The following CNTNAP5 variants were observed in gnomAD, a reference collection of about 807,000 sequenced individuals.
The protein encoded by CNTNAP5 is contactin associated protein family member 5.
CNTNAP5 carries 72 observed loss-of-function variants against 150.2 expected under a neutral mutation model. The observed-to-expected ratio is 0.48, with a 90% CI of 0.40 to 0.58. The LOEUF is 0.58. Ranked by LOEUF, CNTNAP5 falls within the 20% of genes least tolerant of loss-of-function variation. The probability of loss-of-function intolerance (pLI) is 0.00; values close to 1 mark genes in which losing one functional copy is unlikely to be tolerated. For synonymous variants in CNTNAP5, 672 were observed against 619.8 expected, an observed-to-expected ratio of 1.08 and a Z score of -1.25; for missense variants, 1,636 against 1,626.2, an observed-to-expected ratio of 1.01 and a Z score of -0.10.
chr2:124,871,881 C>T (rs1677756167), intron 21 of CNTNAP5, among the ~76,000 whole-genome samples: 1 of 151,982 alleles, frequency 6.6e-6, no homozygotes, highest in South Asian at 2.1e-4. Flanking sequence ...TCATATGTAT[C>T]TGTTCATCAG....
chr2:124,872,227 G>A (rs1677763679), intron 21 of CNTNAP5, among the ~76,000 whole-genome samples: 1 of 151,834 alleles, frequency 6.6e-6, no homozygotes, highest in African/African-American at 2.4e-5. Flanking sequence ...TCTTTTGTTT[G>A]TTTCCATCTT....
At chr2:124,709,154 C>A (rs1465583595) in intron 13 of CNTNAP5, among the ~76,000 whole-genome samples, 1 of 152,032 alleles carries the variant, frequency 6.6e-6, no homozygotes, top group African/African-American at 2.4e-5. Flanking sequence ...TCAGAACTCT[C>A]ATTCAAACTG....
intron 1 of CNTNAP5, among the ~76,000 whole-genome samples, chr2:124,152,552 T>C (rs77985198): frequency 0.085 from 12,920 of 152,210 alleles, 750 homozygotes; most frequent in Non-Finnish European, 0.13. Flanking sequence ...TTAAAATTGA[T>C]ATATTTTTCA....
At chr2:124,910,001 G>A (rs768731690) in intron 22 of CNTNAP5, among the ~76,000 whole-genome samples, 2 of 151,428 alleles carry the variant, frequency 1.3e-5, no homozygotes, top group Non-Finnish European at 2.9e-5. Context: ...TCCATGGCCA[G>A]CACCTTCTTT....
intron 3 of CNTNAP5, among the ~76,000 whole-genome samples, chr2:124,309,753 G>A (rs556476692): frequency 3.9e-5 from 6 of 152,264 alleles, no homozygotes; most frequent in Admixed American, 3.9e-4. Context: ...GTGTCCCAAG[G>A]CCCCTGCTGA....
chr2:124,598,195 G>T (rs1250157657), intron 11 of CNTNAP5, among the ~76,000 whole-genome samples: 2 of 138,782 alleles, frequency 1.4e-5, no homozygotes, highest in Non-Finnish European at 3.1e-5. Context: ...GAGGAACTGC[G>T]TTCCTTTGGA....
At chr2:124,233,115 G>A (rs1186337625) in intron 2 of CNTNAP5, among the ~76,000 whole-genome samples, 3 of 151,208 alleles carry the variant, frequency 2.0e-5, no homozygotes, top group African/African-American at 7.3e-5. Context: ...TTCTCAAAAA[G>A]GGCAGGCTCC....
intron 3 of CNTNAP5, among the ~76,000 whole-genome samples, chr2:124,398,897 AT>A (rs1050124456): frequency 1.5e-4 from 23 of 152,146 alleles, no homozygotes; most frequent in Admixed American, 1.3e-3. Context: ...CACGATGAAG[AT>A]GATGGTGATG....
intron 13 of CNTNAP5, among the ~76,000 whole-genome samples, chr2:124,675,996 G>T (rs1483698349): frequency 6.6e-6 from 1 of 152,020 alleles, no homozygotes; most frequent in African/African-American, 2.4e-5. Flanking sequence ...ACAGATACAG[G>T]TTTGTTTTCT....
chr2:124,450,989 C>T (rs1314475696), intron 6 of CNTNAP5, among the ~76,000 whole-genome samples: 8 of 134,366 alleles, frequency 6.0e-5, no homozygotes, highest in Non-Finnish European at 1.2e-4. Flanking sequence ...GATAGCACCA[C>T]TGCACTCCAG....
At chr2:124,632,716 AC>A (rs1677890211) in intron 12 of CNTNAP5, among the ~76,000 whole-genome samples, 2 of 149,474 alleles carry the variant, frequency 1.3e-5, no homozygotes, top group African/African-American at 4.9e-5. Context: ...GAAAAAAAAA[AC>A]AATAAAATGT....
chr2:124,342,703 T>C (rs561838264), intron 3 of CNTNAP5, among the ~76,000 whole-genome samples: 108 of 152,224 alleles, frequency 7.1e-4, no homozygotes, highest in African/African-American at 2.3e-3. Context: ...AAAAGGTAAA[T>C]GTTTCAATTC....
chr2:124,181,276 G>A (rs750165056), intron 1 of CNTNAP5, among the ~76,000 whole-genome samples: 1 of 152,020 alleles, frequency 6.6e-6, no homozygotes, highest in Non-Finnish European at 1.5e-5. Context: ...ATTAATTAAA[G>A]TATGTAAGAA....
chr2:124,859,311 C>A (rs1037822477), intron 19 of CNTNAP5, among the ~76,000 whole-genome samples: 1 of 152,122 alleles, frequency 6.6e-6, no homozygotes, highest in Non-Finnish European at 1.5e-5. Context: ...TGAAAAAATG[C>A]TCACCATCAC....
At chr2:124,361,203 C>T (rs1231387704) in intron 3 of CNTNAP5, among the ~76,000 whole-genome samples, 3 of 145,954 alleles carry the variant, frequency 2.1e-5, no homozygotes, top group Non-Finnish European at 4.5e-5. Context: ...TCTAGTTATA[C>T]ATTCTTCTAA....
At chr2:124,270,520 T>C (rs1687720696) in intron 3 of CNTNAP5, among the ~76,000 whole-genome samples, 1 of 152,134 alleles carries the variant, frequency 6.6e-6, no homozygotes, top group Admixed American at 6.5e-5. Flanking sequence ...TCCAACTTCA[T>C]TTCATGCATG....
intron 10 of CNTNAP5, among the ~76,000 whole-genome samples, chr2:124,534,793 G>C (rs956410117): frequency 6.6e-6 from 1 of 152,132 alleles, no homozygotes; most frequent in Non-Finnish European, 1.5e-5. Flanking sequence ...GGTTTTGGTC[G>C]GCTTCTTTAC....
Position 124,025,714 on chromosome 2 carries a change from G to T in CNTNAP5, c.64G>T (p.Gly22Ter). Reference protein sequence around the residue: ...TLLFSGLWHLGLTATNYNCDD... With the variant: ...TLLFSGLWHL ...GCTGTTCTCTGGCTTGTGGCATTTA[G>T]GATTAACAGCGACAAACTGTGAGTA... The change falls in exon 1 of 24, where the codon GGA becomes TGA. Residue 22 changes from glycine to a stop codon, truncating the protein, a stop_gained. Transcript: ENST00000682447. LOFTEE classifies it high-confidence loss of function. 6.2e-7 allele frequency: 1 copy of T among 1,613,700 alleles called. No individual in the cohort carries two copies. The highest frequency in any genetic ancestry group is 8.5e-7 in the Non-Finnish European group (1 of 1,179,728).
At chr2:124,537,264 C>T (rs1695260660) in intron 10 of CNTNAP5, among the ~76,000 whole-genome samples, 2 of 152,242 alleles carry the variant, frequency 1.3e-5, no homozygotes, top group African/African-American at 4.8e-5. Flanking sequence ...ACTTCTAACC[C>T]TGCTGTGGGA....
Sources: gnomAD v4.1 joint callset for allele counts (sites outside exome capture counted in the v4.1 genomes callset) on GRCh38, gnomAD v4.1.1 for gene constraint, MANE v1.5 for transcripts, NCBI Gene and HGNC (gene_info 2026-07-23, HGNC 2026-07-21) for gene names.